Variants in FBXW7 observed in about 807,000 individuals in gnomAD.
FBXW7 encodes the protein F-box and WD repeat domain containing 7.
FBXW7 carries 11 observed loss-of-function variants against 86.3 expected under a neutral mutation model. That is an observed-to-expected ratio of 0.13 (90% CI 0.08 to 0.21). FBXW7 has a LOEUF of 0.21. Ranked by LOEUF, FBXW7 falls within the 10% of genes least tolerant of loss-of-function variation. The probability of loss-of-function intolerance (pLI) is 1.00; values close to 1 mark genes in which losing one functional copy is unlikely to be tolerated. For synonymous variants in FBXW7, 313 were observed against 297.9 expected (o/e 1.05, Z -0.52); for missense variants, 488 against 847.4 (o/e 0.58, Z 5.27).
Position 152,505,266 on chromosome 4 carries a change from T to C in FBXW7, c.-120+29675A>G, listed in dbSNP as rs531984767. Reference sequence around the variant, plus strand: ...AGATGAGTCAGTTGGGGTGGATGCATATGAAGGCCTAGGACATTATTGTAT... The same window carrying C: ...AGATGAGTCAGTTGGGGTGGATGCACATGAAGGCCTAGGACATTATTGTAT... On this transcript the variant is annotated intron_variant, in intron 2 of 13. Coordinates refer to ENST00000281708, the MANE Select transcript of FBXW7 (RefSeq NM_001349798.2). 4.4e-4 allele frequency among the ~76,000 whole-genome samples: 67 copies of C among 152,308 alleles called. 2 individuals are homozygous for C. Among genetic ancestry groups the C allele is most frequent in the African/African-American group, 1.4e-3 (58 of 41,570 alleles).
chr4:152,416,511 T>C (rs1400108958), intron 2 of FBXW7, among the ~76,000 whole-genome samples: 1 of 152,220 alleles, frequency 6.6e-6, no homozygotes, highest in Non-Finnish European at 1.5e-5. Context: ...CAATTATTTT[T>C]TGAGTATTTC....
chr4:152,440,368 C>T (rs1740778139), intron 2 of FBXW7, among the ~76,000 whole-genome samples: 1 of 152,096 alleles, frequency 6.6e-6, no homozygotes, highest in South Asian at 2.1e-4. Flanking sequence ...TACATACTGT[C>T]CCTGGTTAGA....
chr4:152,456,935 T>C (rs1171295959), intron 2 of FBXW7, among the ~76,000 whole-genome samples: 5 of 152,246 alleles, frequency 3.3e-5, no homozygotes, highest in African/African-American at 4.8e-5. Flanking sequence ...TTATTCATAA[T>C]AGTCAATAAC....
intron 5 of FBXW7, among the ~76,000 whole-genome samples, chr4:152,347,630 T>C (rs1432488605): frequency 1.3e-5 from 2 of 152,174 alleles, no homozygotes; most frequent in Non-Finnish European, 2.9e-5. Context: ...TTGGTCTGAA[T>C]AGTTGACAGG....
intron 7 of FBXW7, among the ~76,000 whole-genome samples, chr4:152,337,030 T>C (rs1163151042): frequency 6.6e-6 from 1 of 152,010 alleles, no homozygotes; most frequent in African/African-American, 2.4e-5. Flanking sequence ...TGATGCTGAT[T>C]ATTTAATGTT....
chr4:152,450,184 T>C (rs1025569887), intron 2 of FBXW7, among the ~76,000 whole-genome samples: 5 of 152,224 alleles, frequency 3.3e-5, no homozygotes, highest in African/African-American at 9.6e-5. Flanking sequence ...AAAACAGGCA[T>C]GCACTTCACA....
In FBXW7 at chr4:152,439,826, A is replaced by G. The variant is rs1006400022; in HGVS notation, c.-119-27297T>C. ...GCTTGCAGTGAGCCAAGATCGTGCC[A>G]CTGCACTCCAGCCTGGGTGACAGAG... is the stretch of plus-strand genomic sequence containing the variant. On this transcript the variant is annotated intron_variant, in intron 2 of 13. Transcript: ENST00000281708. Among the ~76,000 whole-genome samples the G allele has an allele frequency of 4.7e-5, 7 of 148,262 alleles. No individual in the cohort carries two copies. In the East Asian group the frequency reaches 1.4e-3, roughly 30 times the overall value.
intron 4 of FBXW7, among the ~76,000 whole-genome samples, chr4:152,361,600 C>T (rs1387469467): frequency 6.6e-6 from 1 of 152,180 alleles, no homozygotes; most frequent in East Asian, 1.9e-4. Flanking sequence ...ATTTTATTTA[C>T]AGATTCACTT....
At chr4:152,372,195 T>C (rs749648833) in intron 4 of FBXW7, among the ~76,000 whole-genome samples, 6 of 152,010 alleles carry the variant, frequency 3.9e-5, no homozygotes, top group African/African-American at 7.2e-5. Context: ...TAATAAACTT[T>C]AGGTACTCAT....
intron 4 of FBXW7, among the ~76,000 whole-genome samples, chr4:152,380,247 A>T (rs1432973400): frequency 6.6e-6 from 1 of 152,052 alleles, no homozygotes; most frequent in Non-Finnish European, 1.5e-5. Context: ...ATTATAACAT[A>T]TTAAAAATAT....
intron 4 of FBXW7, chr4:152,352,838 T>A (rs546897203): frequency 2.2e-5 from 33 of 1,522,482 alleles, no homozygotes; most frequent in Non-Finnish European, 2.9e-5. Flanking sequence ...AACAGATTCC[T>A]CCCTCAGCAG....
chr4:152,485,753 A>G (rs574662538), intron 2 of FBXW7, among the ~76,000 whole-genome samples: 6 of 152,304 alleles, frequency 3.9e-5, no homozygotes, highest in Admixed American at 3.3e-4. Flanking sequence ...AGGTAAGGAG[A>G]GAATGTTTTG....
At chr4:152,424,670 C>A (rs1372341265) in intron 2 of FBXW7, among the ~76,000 whole-genome samples, 2 of 152,162 alleles carry the variant, frequency 1.3e-5, no homozygotes, top group African/African-American at 4.8e-5. Context: ...AGTTTTGTAA[C>A]TAGCAACATG....
chr4:152,468,127 A>G (rs1743622071), intron 2 of FBXW7, among the ~76,000 whole-genome samples: 1 of 152,158 alleles, frequency 6.6e-6, no homozygotes, highest in African/African-American at 2.4e-5. Flanking sequence ...AATGGCTGAA[A>G]TACAAAAGAC....
chr4:152,372,712 A>T (rs570734363), intron 4 of FBXW7, among the ~76,000 whole-genome samples: 29 of 152,136 alleles, frequency 1.9e-4, no homozygotes, highest in Middle Eastern at 3.4e-3. Flanking sequence ...ACATTAAGTT[A>T]GTTTCTGTAA....
intron 2 of FBXW7, among the ~76,000 whole-genome samples, chr4:152,511,928 AGACT>A (rs937731095): frequency 1.3e-4 from 20 of 152,286 alleles, no homozygotes; most frequent in African/African-American, 4.1e-4. Flanking sequence ...AAGGAGAAAA[AGACT>A]GACTATCTGG....
intron 2 of FBXW7, among the ~76,000 whole-genome samples, chr4:152,532,099 C>T (rs1750071683): frequency 6.6e-6 from 1 of 152,168 alleles, no homozygotes; most frequent in Admixed American, 6.5e-5. Context: ...AACCTAAATA[C>T]TTTGAAAATA....
At chr4:152,382,762 T>C (rs1310253956) in intron 4 of FBXW7, among the ~76,000 whole-genome samples, 4 of 152,116 alleles carry the variant, frequency 2.6e-5, no homozygotes, top group Admixed American at 2.6e-4. Flanking sequence ...AAACAAACAT[T>C]GTATCTTGAG....
intron 2 of FBXW7, among the ~76,000 whole-genome samples, chr4:152,522,654 A>G (rs891554298): frequency 3.9e-5 from 6 of 152,022 alleles, no homozygotes; most frequent in Admixed American, 3.9e-4. Context: ...CACTCCCCCA[A>G]ATGACCATCA....
Sources: gnomAD v4.1 joint callset for allele counts (sites outside exome capture counted in the v4.1 genomes callset) on GRCh38, gnomAD v4.1.1 for gene constraint, MANE v1.5 for transcripts, NCBI Gene and HGNC (gene_info 2026-07-23, HGNC 2026-07-21) for gene names.